PAG1: variants seen among roughly 807,000 people sequenced by gnomAD.
The protein encoded by PAG1 is phosphoprotein associated with glycosphingolipid-enriched microdomains 1.
In PAG1, 23 loss-of-function variants were observed where a neutral mutation model predicts 31.7. The observed-to-expected ratio is 0.73, with a 90% CI of 0.52 to 1.03. The LOEUF is 1.03. Among genes scored for constraint, PAG1 ranks in the 50% least tolerant of loss-of-function variants. PAG1 has a pLI of 0.00. For synonymous variants in PAG1, 214 were observed against 210.3 expected, an observed-to-expected ratio of 1.02 and a Z score of -0.15; for missense variants, 473 against 540.7, an observed-to-expected ratio of 0.87 and a Z score of 1.24.
At chr8:81,034,099 C>T (rs577053659) in intron 2 of PAG1, among the ~76,000 whole-genome samples, 1 of 152,324 alleles carries the variant, frequency 6.6e-6, no homozygotes, top group South Asian at 2.1e-4. Flanking sequence ...AACTCAATTA[C>T]AGATTCTCAA....
intron 2 of PAG1, among the ~76,000 whole-genome samples, chr8:81,043,452 T>C (rs1228055911): frequency 6.6e-6 from 1 of 152,240 alleles, no homozygotes; most frequent in African/African-American, 2.4e-5. Context: ...TAGTACCCTA[T>C]ACTAGTCACT....
chr8:81,040,613 G>A (rs908416732), intron 2 of PAG1: 5 of 152,256 alleles, frequency 3.3e-5, no homozygotes, highest in East Asian at 1.9e-4. Context: ...TATCATATAC[G>A]ACTGTTCTTC....
At chr8:81,053,601 T>C (rs538254553) in intron 2 of PAG1, among the ~76,000 whole-genome samples, 6 of 152,108 alleles carry the variant, frequency 3.9e-5, no homozygotes, top group Non-Finnish European at 8.8e-5. Flanking sequence ...CTTCAAAAAG[T>C]GTATGTATTT....
chr8:81,028,341 T>A (rs185744150), intron 3 of PAG1, among the ~76,000 whole-genome samples: 2 of 152,372 alleles, frequency 1.3e-5, no homozygotes, highest in East Asian at 3.9e-4. Context: ...ATGCACATCT[T>A]TAAATGCGTC....
intron 1 of PAG1, among the ~76,000 whole-genome samples, chr8:81,080,209 G>A (rs1377427762): frequency 1.3e-5 from 2 of 152,080 alleles, no homozygotes; most frequent in Admixed American, 1.3e-4. Context: ...AGTATTGAAG[G>A]AGATATATTC....
chr8:81,040,516 A>G (rs999523808), intron 2 of PAG1, among the ~76,000 whole-genome samples: 2 of 152,188 alleles, frequency 1.3e-5, no homozygotes, highest in African/African-American at 4.8e-5. Flanking sequence ...CTGCAATGCC[A>G]TGTCCCGATG....
intron 1 of PAG1, among the ~76,000 whole-genome samples, chr8:81,095,394 T>C (rs1464116526): frequency 6.6e-6 from 1 of 152,212 alleles, no homozygotes; most frequent in Non-Finnish European, 1.5e-5. Flanking sequence ...AACCTGGCCA[T>C]GCTGCTTCCC....
At chr8:81,047,199 G>T (rs1371446261) in intron 2 of PAG1, among the ~76,000 whole-genome samples, 1 of 152,086 alleles carries the variant, frequency 6.6e-6, no homozygotes. Context: ...CTTTTCTTTG[G>T]GTATATACCC....
At chr8:81,086,348 C>T (rs1809356672) in intron 1 of PAG1, among the ~76,000 whole-genome samples, 1 of 152,036 alleles carries the variant, frequency 6.6e-6, no homozygotes, top group Non-Finnish European at 1.5e-5. Flanking sequence ...AATATTTACT[C>T]TAAATCAATT....
intron 2 of PAG1, among the ~76,000 whole-genome samples, 188 bp from the exon 3 acceptor site, chr8:81,030,277 T>TA (rs1014506514): frequency 1.5e-4 from 23 of 152,252 alleles, no homozygotes; most frequent in African/African-American, 4.8e-4. Context: ...AATAATTAAA[T>TA]AAAAAAATTT....
At chr8:81,069,879 AG>A (rs1262817424) in intron 2 of PAG1, among the ~76,000 whole-genome samples, 3 of 152,222 alleles carry the variant, frequency 2.0e-5, no homozygotes, top group African/African-American at 7.2e-5. Flanking sequence ...ACCATGTTGT[AG>A]GAAGTATACC....
chr8:81,031,669 G>A (rs886158515), intron 2 of PAG1, among the ~76,000 whole-genome samples: 7 of 152,132 alleles, frequency 4.6e-5, no homozygotes, highest in Non-Finnish European at 7.3e-5. Context: ...ATAATGTTTG[G>A]ATGTGCTTTC....
intron 2 of PAG1, among the ~76,000 whole-genome samples, chr8:81,053,014 T>C (rs1808758137): frequency 1.3e-5 from 2 of 152,266 alleles, no homozygotes; most frequent in Non-Finnish European, 2.9e-5. Context: ...TACAATGCTC[T>C]TCTGTGCTCT....
intron 2 of PAG1, among the ~76,000 whole-genome samples, chr8:81,043,961 T>TC (rs1808598585): frequency 6.6e-6 from 1 of 152,240 alleles, no homozygotes; most frequent in African/African-American, 2.4e-5. Context: ...GCAGATTTCT[T>TC]TTTCTTCTTC....
chr8:81,071,368 C>T (rs1317131749), intron 1 of PAG1, among the ~76,000 whole-genome samples: 1 of 152,204 alleles, frequency 6.6e-6, no homozygotes, highest in African/African-American at 2.4e-5. Flanking sequence ...CAAGAGTCCA[C>T]ACACAACGAA....
chr8:80,983,694 A>G (rs936150213), intron 7 of PAG1, among the ~76,000 whole-genome samples: 4 of 152,220 alleles, frequency 2.6e-5, no homozygotes, highest in African/African-American at 9.7e-5. Flanking sequence ...TAGACAACTC[A>G]ACGTCTTATC....
At chr8:81,028,535 TGG>T (rs1435798706) in intron 3 of PAG1, among the ~76,000 whole-genome samples, 3 of 152,224 alleles carry the variant, frequency 2.0e-5, no homozygotes, top group African/African-American at 7.2e-5. Flanking sequence ...CTACAGTACT[TGG>T]ATAGGCATAC....
intron 3 of PAG1, among the ~76,000 whole-genome samples, chr8:81,018,356 A>G (rs1462873269): frequency 1.3e-5 from 2 of 152,244 alleles, no homozygotes; most frequent in African/African-American, 4.8e-5. Context: ...GGCACAATTT[A>G]ATATTTTAAT....
chr8:80,995,099 C>T (rs553721492), intron 3 of PAG1, among the ~76,000 whole-genome samples: 1 of 152,288 alleles, frequency 6.6e-6, no homozygotes, highest in East Asian at 1.9e-4. Context: ...ACCAAATCAT[C>T]TCCAGGTGAA....
Sources: gnomAD v4.1 joint callset for allele counts (sites outside exome capture counted in the v4.1 genomes callset) on GRCh38, gnomAD v4.1.1 for gene constraint, MANE v1.5 for transcripts, NCBI Gene and HGNC (gene_info 2026-07-23, HGNC 2026-07-21) for gene names.